PRH1: variants seen among roughly 807,000 people sequenced by gnomAD.
PRH1 encodes salivary acidic proline-rich phosphoprotein 1/2.
A neutral mutation model predicts 7.9 loss-of-function variants in PRH1; 7 were observed. The observed-to-expected ratio is 0.89, with a 90% CI of 0.50 to 1.67. The LOEUF is 1.67. PRH1 is among the 40% of genes most tolerant of loss of function. The pLI is 0.00. For synonymous variants in PRH1, 45 were observed against 80.8 expected (o/e 0.56, Z 2.38); for missense variants, 109 against 223.6 (o/e 0.49, Z 3.27).
intron 1 of PRH1, among the ~76,000 whole-genome samples, chr12:11,080,365 A>G (rs2136231039): frequency 8.9e-6 from 1 of 112,616 alleles, no homozygotes; most frequent in East Asian, 2.2e-4. Flanking sequence ...TACTGTAATT[A>G]TTTATCCATC....
At chr12:11,134,436 C>G in intron 1 of PRH1, 1 of 656,248 alleles carries the variant, frequency 1.5e-6, no homozygotes, top group South Asian at 2.5e-5. Flanking sequence ...AAGTTCAATG[C>G]TCTCTTTATG....
chr12:11,096,931 G>T (rs1288619029), intron 1 of PRH1, among the ~76,000 whole-genome samples: 1 of 112,934 alleles, frequency 8.9e-6, no homozygotes, highest in Non-Finnish European at 2.1e-5. Flanking sequence ...CCAAGTAGCT[G>T]GGACTACAGG....
intron 2 of PRH1, 46 bp from the exon 3 acceptor site, chr12:10,882,744 C>T (rs747272282): frequency 5.6e-6 from 9 of 1,599,290 alleles, no homozygotes; most frequent in Non-Finnish European, 7.7e-6. Flanking sequence ...CTGGAAAACC[C>T]TCCTGTCTTC....
intron 2 of PRH1, among the ~76,000 whole-genome samples, chr12:10,922,405 G>A (rs1207710325): frequency 6.6e-6 from 1 of 152,078 alleles, no homozygotes; most frequent in African/African-American, 2.4e-5. Context: ...ATGTAGAAAT[G>A]TTCATCTTTT....
At chr12:10,986,993 T>A in intron 1 of PRH1, 1 of 561,554 alleles carries the variant, frequency 1.8e-6, no homozygotes, top group East Asian at 3.1e-5. Context: ...TTTTAAACAC[T>A]GTGACCAGTG....
Position 11,168,343 on chromosome 12 carries a change from G to GGAAGGAAGGAA in PRH1, n.39+3078_39+3079insTTCCTTCCTTC. ...AGGAAGGAAGGAAGGAAGGAAGGAA[G>GGAAGGAAGGAA]GGAAAGAAAGGAAAGAAAAGAAAGA... On this transcript the variant is annotated intron_variant and non_coding_transcript_variant, in intron 1 of 1. Coordinates refer to the PRH1 transcript ENST00000541175. 2.2e-4 allele frequency among the ~76,000 whole-genome samples: 7 copies of GGAAGGAAGGAA among 31,550 alleles called. 1 individual carries two copies. The highest frequency in any genetic ancestry group is 5.7e-4 in the African/African-American group (5 of 8,832). The allele number at this position is 31,550 out of a possible 152,430, so 20.7% of individuals were successfully genotyped here. A position where few individuals can be genotyped will look rare whatever the true frequency, so the allele number is the denominator to read the frequency against.
At chr12:10,977,756 A>C (rs1458144985) in intron 1 of PRH1, among the ~76,000 whole-genome samples, 1 of 152,222 alleles carries the variant, frequency 6.6e-6, no homozygotes, top group East Asian at 1.9e-4. Context: ...ACATTCCTAT[A>C]TATCAACAAC....
In PRH1 at chr12:11,030,181, A is replaced by G. The variant is rs192336384; in HGVS notation, c.-126+16839T>C. On this transcript the variant is annotated intron_variant, in intron 1 of 3. Coordinates refer to the PRH1 transcript ENST00000539853. ...GGCAGTTTGTATGAAAAAAACAGAA[A>G]AGAGCATGTTATTGTCAATGTTCTT... 7.9e-5 allele frequency among the ~76,000 whole-genome samples: 12 copies of G among 152,342 alleles called. No individual in the cohort carries two copies. In the East Asian group the frequency reaches 1.5e-3, roughly 20 times the overall value.
Position 10,956,044 on chromosome 12 carries a change from A to G in PRH1, c.-59+17611T>C, listed in dbSNP as rs188289934. Among the ~76,000 whole-genome samples, 701 of 152,254 alleles carry G rather than the reference A, an allele frequency of 4.6e-3. 7 individuals carry two copies. The highest frequency in any genetic ancestry group is 6.0e-3 in the Non-Finnish European group (411 of 68,000). On this transcript the variant is annotated intron_variant, in intron 2 of 3. Coordinates refer to the PRH1 transcript ENST00000539853. ...ACTATTCACACTAAACCTACTCTAA[A>G]AAACTGAGGAAAAGAAACTCCACGC... is the stretch of plus-strand genomic sequence containing the variant.
At position 11,077,865 on chromosome 12, in the gene PRH1, C is replaced by T. The variant is rs533462636; in HGVS notation, n.124-30677G>A. On this transcript the variant is annotated intron_variant and non_coding_transcript_variant, in intron 1 of 4. Coordinates refer to the PRH1 transcript ENST00000541977. ...CCAACAGTATCACCAGAACAACACT[C>T]CTAATTCTCTTCTTTAGGTGGAGAA... is the stretch of plus-strand genomic sequence containing the variant. 21 of 994,196 alleles carry T rather than the reference C, an allele frequency of 2.1e-5. 5 individuals are homozygous for T. Among genetic ancestry groups the T allele is most frequent in the African/African-American group, 4.6e-5 (3 of 64,620 alleles). The allele number at this position is 994,196 out of a possible 1,614,324, so 61.6% of individuals were successfully genotyped here.
chr12:11,062,320 T>C, intron 1 of PRH1: 1 of 1,572,432 alleles, frequency 6.4e-7, no homozygotes, highest in Non-Finnish European at 8.6e-7. Context: ...AAGAAATTTT[T>C]AAAATGCTGG....
Position 11,073,419 on chromosome 12 carries a change from C to G in PRH1, n.124-26231G>C, listed in dbSNP as rs149531659. ...AAAGTGCTGGGATTACAGGGGTGAG[C>G]CACCATGCCCAGCAGAAACATCCTT... On this transcript the variant is annotated intron_variant and non_coding_transcript_variant, in intron 1 of 4. Coordinates refer to the PRH1 transcript ENST00000541977. 3.6e-5 allele frequency among the ~76,000 whole-genome samples: 5 copies of G among 137,240 alleles called. No individual in the cohort carries two copies. In the East Asian group the frequency reaches 9.9e-4, roughly 27 times the overall value. The allele number at this position is 137,240 out of a possible 152,430, so 90.0% of individuals were successfully genotyped here. A position where few individuals can be genotyped will look rare whatever the true frequency, so the allele number is the denominator to read the frequency against.
At chr12:11,019,945 A>T (rs72475477) in intron 1 of PRH1, among the ~76,000 whole-genome samples, 22,136 of 130,786 alleles carry the variant, frequency 0.17, no homozygotes, top group East Asian at 0.43. Context: ...CAAAATCTTT[A>T]ATATGCTTTT....
chr12:11,013,637 T>C lies in PRH1; in HGVS notation c.-126+33383A>G, dbSNP rs534827291. ...TCCCCTGCCTATCAATCTATTGATATTAAAATTACTATTTTAAATAAAACT... is the reference window on the plus strand; with the variant it reads ...TCCCCTGCCTATCAATCTATTGATACTAAAATTACTATTTTAAATAAAACT... On this transcript the variant is annotated intron_variant, in intron 1 of 3. Coordinates refer to the PRH1 transcript ENST00000539853. Among the ~76,000 whole-genome samples the C allele has an allele frequency of 3.5e-4, 54 of 152,286 alleles. 1 individual carries two copies. The highest frequency in any genetic ancestry group is 1.3e-3 in the African/African-American group (54 of 41,566).
chr12:11,064,256 C>T (rs2255520), intron 1 of PRH1, among the ~76,000 whole-genome samples: 34,758 of 135,758 alleles, frequency 0.26, 3,989 homozygotes, highest in Non-Finnish European at 0.28. Context: ...CTTTGCACTG[C>T]GTGTAGGTGC....
intron 1 of PRH1, chr12:11,022,672 T>A (rs1162474011): frequency 1.1e-6 from 1 of 878,526 alleles, no homozygotes; most frequent in African/African-American, 1.7e-5. Flanking sequence ...AAATGTGCAA[T>A]AACATTTTCT....
intron 2 of PRH1, among the ~76,000 whole-genome samples, chr12:10,919,327 A>T (rs1201409813): frequency 1.3e-5 from 2 of 152,198 alleles, no homozygotes; most frequent in Non-Finnish European, 2.9e-5. Context: ...TCATTCTTTC[A>T]TGATGTTATT....
chr12:10,908,129 A>G (rs1208338484), intron 2 of PRH1: 3 of 419,038 alleles, frequency 7.2e-6, no homozygotes, highest in Non-Finnish European at 1.3e-5. Flanking sequence ...ATATGTTTTT[A>G]ATTTACAATA....
At chr12:11,064,561 T>A (rs376880255) in intron 1 of PRH1, among the ~76,000 whole-genome samples, 11 of 152,038 alleles carry the variant, frequency 7.2e-5, no homozygotes, top group African/African-American at 2.7e-4. Context: ...CTCATAGACA[T>A]AGAAAAGTTT....
Sources: allele counts gnomAD v4.1 joint callset (sites outside exome capture counted in the v4.1 genomes callset), GRCh38; gene constraint gnomAD v4.1.1; transcripts MANE v1.5; gene names NCBI Gene and HGNC (gene_info 2026-07-23, HGNC 2026-07-21).